The following SMYD3 variants were observed in gnomAD, a reference collection of about 807,000 sequenced individuals.
The protein encoded by SMYD3 is histone-lysine N-methyltransferase SMYD3.
A neutral mutation model predicts 57.7 loss-of-function variants in SMYD3; 36 were observed. The ratio of observed to expected loss-of-function variants is 0.62; its 90% confidence interval spans 0.48 to 0.82. SMYD3 has a LOEUF of 0.82. SMYD3 is among the 40% of genes least tolerant of loss of function. The pLI is 0.00. For synonymous variants in SMYD3, 211 were observed against 195.0 expected (o/e 1.08, Z -0.68); for missense variants, 515 against 538.8 (o/e 0.96, Z 0.44).
At chr1:246,358,022 C>T (rs1042336389) in intron 1 of SMYD3, among the ~76,000 whole-genome samples, 4 of 152,110 alleles carry the variant, frequency 2.6e-5, no homozygotes, top group Admixed American at 6.5e-5. Flanking sequence ...TATGGAATGG[C>T]AGAATGGATA....
At chr1:246,405,996 T>C (rs1197436715) in intron 1 of SMYD3, among the ~76,000 whole-genome samples, 1 of 152,096 alleles carries the variant, frequency 6.6e-6, no homozygotes, top group Non-Finnish European at 1.5e-5. Flanking sequence ...CAACAGTCTG[T>C]TAATTATTCA....
At position 246,393,275 on chromosome 1, in the gene SMYD3, A is replaced by T. The variant is rs149216338; in HGVS notation, c.165-38181T>A. Among the ~76,000 whole-genome samples, 54 of 152,294 alleles carry T rather than the reference A, an allele frequency of 3.5e-4. No homozygotes were observed. In the East Asian group the frequency reaches 9.8e-3, roughly 28 times the overall value. ...TATATCTCAATGAAGTTCTTTTTTT[A>T]AAAAACTAACTTAAAAAATGTTTAA... On this transcript the variant is annotated intron_variant, in intron 1 of 11. Transcript: ENST00000490107.
At chr1:245,927,200 T>C (rs1230756369) in intron 7 of SMYD3, among the ~76,000 whole-genome samples, 3 of 152,220 alleles carry the variant, frequency 2.0e-5, no homozygotes. Context: ...GAACTCAGCA[T>C]GGGTAGTCAC....
chr1:246,198,826 G>T (rs1280445639), intron 5 of SMYD3, among the ~76,000 whole-genome samples: 2 of 152,134 alleles, frequency 1.3e-5, no homozygotes, highest in African/African-American at 4.8e-5. Context: ...ACGATTAAGG[G>T]TATTTTTCTT....
At chr1:246,165,733 T>A (rs1476449313) in intron 5 of SMYD3, among the ~76,000 whole-genome samples, 1 of 148,550 alleles carries the variant, frequency 6.7e-6, no homozygotes, top group East Asian at 1.9e-4. Flanking sequence ...GTGGAGAAGG[T>A]GGCTTGTCTG....
intron 1 of SMYD3, among the ~76,000 whole-genome samples, chr1:246,505,855 C>G (rs987150944): frequency 2.0e-5 from 3 of 152,200 alleles, no homozygotes; most frequent in Non-Finnish European, 2.9e-5. Context: ...CAAAACTTTT[C>G]TGTTCCAAGA....
At chr1:245,922,810 A>G (rs2056074570) in intron 7 of SMYD3, among the ~76,000 whole-genome samples, 1 of 152,222 alleles carries the variant, frequency 6.6e-6, no homozygotes, top group Non-Finnish European at 1.5e-5. Context: ...GTAGCACTGA[A>G]CAAATCATTT....
At chr1:246,122,585 A>C (rs1308345188) in intron 5 of SMYD3, among the ~76,000 whole-genome samples, 1 of 152,252 alleles carries the variant, frequency 6.6e-6, no homozygotes. Flanking sequence ...ATGCTAATGA[A>C]ATATCCCTAG....
intron 5 of SMYD3, among the ~76,000 whole-genome samples, chr1:246,061,513 T>C (rs1176372256): frequency 6.6e-6 from 1 of 151,060 alleles, no homozygotes; most frequent in Non-Finnish European, 1.5e-5. Context: ...TTGAACACAA[T>C]TCAAGACCAG....
intron 1 of SMYD3, among the ~76,000 whole-genome samples, chr1:246,435,907 T>C (rs1297031490): frequency 1.3e-5 from 2 of 152,214 alleles, no homozygotes. Flanking sequence ...GAGTTTTTGC[T>C]ACATTTCCCT....
In SMYD3 at chr1:246,087,334, G is replaced by A. The variant is rs183511894; in HGVS notation, c.532-157397C>T. 7.6e-4 allele frequency among the ~76,000 whole-genome samples: 115 copies of A among 152,270 alleles called. 1 individual carries two copies. Among genetic ancestry groups the A allele is most frequent in the Admixed American group, 1.8e-3 (28 of 15,304 alleles). On this transcript the variant is annotated intron_variant, in intron 5 of 11. Transcript: ENST00000490107. Reference sequence around the variant, plus strand: ...CTTCCCTACTAGACATAAGTTCCATGAAGCCAAGACCGTTGACTTCCTTAA... The same window carrying A: ...CTTCCCTACTAGACATAAGTTCCATAAAGCCAAGACCGTTGACTTCCTTAA...
chr1:245,878,831 C>G (rs188443125), intron 8 of SMYD3, among the ~76,000 whole-genome samples: 6 of 152,108 alleles, frequency 3.9e-5, no homozygotes, highest in Non-Finnish European at 8.8e-5. Context: ...AGAGGGACAA[C>G]GCAGGGATGG....
At chr1:246,043,615 A>T (rs189167366) in intron 5 of SMYD3, among the ~76,000 whole-genome samples, 26 of 152,366 alleles carry the variant, frequency 1.7e-4, no homozygotes, top group East Asian at 1.5e-3. Flanking sequence ...CTGGTGAAGA[A>T]TCAGTGGTGA....
chr1:246,246,301 G>A (rs2063702796), intron 5 of SMYD3, among the ~76,000 whole-genome samples: 1 of 152,070 alleles, frequency 6.6e-6, no homozygotes, highest in Non-Finnish European at 1.5e-5. Flanking sequence ...TGTATCTGTA[G>A]TTTTATTTTA....
At chr1:246,055,912 A>T (rs1465818531) in intron 5 of SMYD3, among the ~76,000 whole-genome samples, 1 of 152,190 alleles carries the variant, frequency 6.6e-6, no homozygotes, top group Non-Finnish European at 1.5e-5. Context: ...GATGATGAAA[A>T]AGAGTTCTGG....
chr1:246,298,956 G>T (rs1433247236), intron 5 of SMYD3, among the ~76,000 whole-genome samples: 1 of 152,132 alleles, frequency 6.6e-6, no homozygotes, highest in Non-Finnish European at 1.5e-5. Flanking sequence ...AAGAGTAACA[G>T]TATCCCGTAC....
intron 5 of SMYD3, among the ~76,000 whole-genome samples, chr1:246,232,904 A>G (rs1231726976): frequency 4.0e-5 from 5 of 123,790 alleles, no homozygotes; most frequent in Admixed American, 8.6e-5. Context: ...GAGGAGAAGC[A>G]CTCCTCAATT....
Position 246,332,548 on chromosome 1 carries a change from A to G in SMYD3, c.337-2011T>C, listed in dbSNP as rs565902576. On this transcript the variant is annotated intron_variant, in intron 3 of 11. Transcript: ENST00000490107. ...TGGCCAGGTGCGGTGGCTTACGCCCACAATCTCAGCACTTTGGAAGGCCAA... is the reference window on the plus strand; with the variant it reads ...TGGCCAGGTGCGGTGGCTTACGCCCGCAATCTCAGCACTTTGGAAGGCCAA... 1.2e-4 allele frequency among the ~76,000 whole-genome samples: 19 copies of G among 152,350 alleles called. No homozygotes were observed. In the East Asian group the frequency reaches 3.5e-3, roughly 28 times the overall value.
At chr1:246,161,505 A>C (rs1280185146) in intron 5 of SMYD3, among the ~76,000 whole-genome samples, 5 of 151,988 alleles carry the variant, frequency 3.3e-5, no homozygotes, top group Non-Finnish European at 7.4e-5. Context: ...TCCACCTTTG[A>C]TTTCGATGGT....
Sources: allele counts gnomAD v4.1 joint callset (sites outside exome capture counted in the v4.1 genomes callset), GRCh38; gene constraint gnomAD v4.1.1; transcripts MANE v1.5; gene names NCBI Gene and HGNC (gene_info 2026-07-23, HGNC 2026-07-21).